Variants in THSD7B observed in about 807,000 individuals in gnomAD.
THSD7B encodes thrombospondin type 1 domain containing 7B, also known as thrombospondin type-1 domain-containing protein 7B.
In THSD7B, 138 loss-of-function variants were observed where a neutral mutation model predicts 213.6. The ratio of observed to expected loss-of-function variants is 0.65; its 90% CI spans 0.56 to 0.74. THSD7B has a LOEUF of 0.74. Ranked by LOEUF, THSD7B falls within the 30% of genes least tolerant of loss-of-function variation. The pLI is 0.00. For synonymous variants in THSD7B, 742 were observed against 687.0 expected (o/e 1.08, Z -1.25); for missense variants, 1,931 against 1,991.5 (o/e 0.97, Z 0.58).
chr2:137,212,485 G>C (rs13008589), intron 7 of THSD7B, among the ~76,000 whole-genome samples: 7,007 of 152,010 alleles, frequency 0.046, 198 homozygotes, highest in Admixed American at 0.068. Context: ...TGTCAAACTG[G>C]GTAATTGAAA....
chr2:137,663,996 T>C (rs1347592219), intron 26 of THSD7B, among the ~76,000 whole-genome samples: 2 of 151,880 alleles, frequency 1.3e-5, no homozygotes, highest in Non-Finnish European at 2.9e-5. Context: ...GGATTACAGG[T>C]GCCTGCCACC....
intron 2 of THSD7B, among the ~76,000 whole-genome samples, chr2:136,895,062 C>T (rs1482724755): frequency 6.6e-6 from 1 of 152,186 alleles, no homozygotes; most frequent in African/African-American, 2.4e-5. Context: ...ATATGATTGA[C>T]TTCTTCAATT....
At chr2:137,052,381 A>G (rs185422022) in intron 2 of THSD7B, among the ~76,000 whole-genome samples, 186 of 152,314 alleles carry the variant, frequency 1.2e-3, no homozygotes, top group African/African-American at 4.3e-3. Context: ...GCTACATTAC[A>G]TCAGTAGTCA....
chr2:137,096,718 G>GAA (rs1553470517), intron 4 of THSD7B, among the ~76,000 whole-genome samples: 1 of 152,104 alleles, frequency 6.6e-6, no homozygotes, highest in Non-Finnish European at 1.5e-5. Flanking sequence ...TTTTAACATT[G>GAA]AAATACCTGG....
intron 14 of THSD7B, among the ~76,000 whole-genome samples, chr2:137,422,971 C>G (rs1655827044): frequency 6.6e-6 from 1 of 152,074 alleles, no homozygotes; most frequent in South Asian, 2.1e-4. Flanking sequence ...TGACCCTTCT[C>G]AGAGAATAAA....
chr2:137,496,474 G>T (rs539612369), intron 15 of THSD7B, among the ~76,000 whole-genome samples: 17 of 151,978 alleles, frequency 1.1e-4, no homozygotes, highest in Non-Finnish European at 1.9e-4. Context: ...AGTCCTTTTT[G>T]TTTTGTGTGC....
intron 17 of THSD7B, among the ~76,000 whole-genome samples, chr2:137,598,198 G>A (rs1682001312): frequency 1.3e-5 from 2 of 152,080 alleles, no homozygotes; most frequent in African/African-American, 2.4e-5. Flanking sequence ...GGTAGAGGGG[G>A]AACTAGACCA....
intron 14 of THSD7B, among the ~76,000 whole-genome samples, chr2:137,450,003 G>A (rs527827089): frequency 1.3e-5 from 2 of 152,200 alleles, no homozygotes; most frequent in South Asian, 2.1e-4. Flanking sequence ...GCAGTTAATC[G>A]GGAAAGGAAC....
chr2:137,200,559 G>A (rs1680854429), intron 7 of THSD7B, among the ~76,000 whole-genome samples: 1 of 151,936 alleles, frequency 6.6e-6, no homozygotes, highest in Non-Finnish European at 1.5e-5. Context: ...AAACACACAT[G>A]TGCCTAGTAC....
chr2:137,094,971 A>C lies in THSD7B; in HGVS notation c.1049A>C (p.Lys350Thr). 1 of 1,613,908 alleles carries C rather than the reference A, an allele frequency of 6.2e-7. No individual in the cohort carries two copies. Among genetic ancestry groups the C allele is most frequent in the Non-Finnish European group, 8.5e-7 (1 of 1,179,864 alleles). The change falls in exon 4 of 28, where the codon AAG becomes ACG. Residue 350 changes from lysine (K) to threonine (T), a missense_variant. Physicochemically the swap from Lys to Thr is moderately conservative, Grantham distance 78. Coordinates refer to ENST00000409968, the MANE Select transcript of THSD7B (RefSeq NM_001316349.2). ...TGGTCCTCCTGGAGCCCCTGCTCCA[A>C]GACATGCCGTTCAGGGAGTCTCTTG... ...SQWSSWSPCS[K>T]TCRSGSLLPG...
intron 5 of THSD7B, among the ~76,000 whole-genome samples, chr2:137,150,451 CAGTG>C (rs1215048088): frequency 8.6e-5 from 13 of 152,026 alleles, no homozygotes; most frequent in African/African-American, 2.4e-5. Context: ...GTTCTCATGA[CAGTG>C]AGTGAGTTCT....
At chr2:136,936,332 A>T (rs1332068717) in intron 2 of THSD7B, among the ~76,000 whole-genome samples, 2 of 152,216 alleles carry the variant, frequency 1.3e-5, no homozygotes, top group Non-Finnish European at 2.9e-5. Flanking sequence ...ACCCACCCAG[A>T]AGAAAAGAAG....
intron 11 of THSD7B, among the ~76,000 whole-genome samples, chr2:137,273,408 G>A (rs1019257711): frequency 1.3e-5 from 2 of 152,002 alleles, no homozygotes; most frequent in African/African-American, 4.8e-5. Context: ...AAATCTGATT[G>A]AAATGCTACT....
chr2:137,101,966 T>C (rs1400823420), intron 4 of THSD7B, among the ~76,000 whole-genome samples: 1 of 152,280 alleles, frequency 6.6e-6, no homozygotes, highest in Admixed American at 6.5e-5. Context: ...GTCACAGCTT[T>C]AGCAGACTTA....
intron 4 of THSD7B, among the ~76,000 whole-genome samples, chr2:137,099,151 G>A (rs1401975000): frequency 6.6e-6 from 1 of 152,118 alleles, no homozygotes; most frequent in Admixed American, 6.5e-5. Flanking sequence ...AAATTTGCTT[G>A]TCAGTTGCCA....
intron 3 of THSD7B, among the ~76,000 whole-genome samples, chr2:137,088,230 ACT>A (rs975702992): frequency 1.4e-4 from 21 of 152,004 alleles, no homozygotes; most frequent in African/African-American, 5.1e-4. Flanking sequence ...ACAGAGCAAG[ACT>A]CTGTCTCAAA....
At chr2:137,004,958 A>C (rs1686075778) in intron 2 of THSD7B, among the ~76,000 whole-genome samples, 1 of 152,206 alleles carries the variant, frequency 6.6e-6, no homozygotes, top group Non-Finnish European at 1.5e-5. Flanking sequence ...TATCATATAA[A>C]GATATCATTT....
At chr2:137,659,492 C>T (rs767116829) in intron 24 of THSD7B, among the ~76,000 whole-genome samples, 172 bp from the exon 25 acceptor site, 22 of 152,116 alleles carry the variant, frequency 1.4e-4, no homozygotes, top group Non-Finnish European at 2.9e-4. Flanking sequence ...CATCTCAATT[C>T]ATTTTAGAGT....
intron 9 of THSD7B, among the ~76,000 whole-genome samples, chr2:137,239,466 T>C (rs1681851953): frequency 6.6e-6 from 1 of 152,142 alleles, no homozygotes; most frequent in Admixed American, 6.5e-5. Flanking sequence ...TACTCCTTCC[T>C]CATCTACCTC....
Sources: gnomAD v4.1 joint callset for allele counts (sites outside exome capture counted in the v4.1 genomes callset) on GRCh38, gnomAD v4.1.1 for gene constraint, MANE v1.5 for transcripts, NCBI Gene and HGNC (gene_info 2026-07-23, HGNC 2026-07-21) for gene names.